Variants in ROBO2 observed in about 807,000 individuals in gnomAD.
ROBO2 encodes roundabout homolog 2.
ROBO2 carries 53 observed loss-of-function variants against 160.8 expected under a neutral mutation model. That is an observed-to-expected ratio of 0.33 (90% CI 0.26 to 0.41). The LOEUF (loss-of-function observed/expected upper bound fraction) is 0.41. Among genes scored for constraint, ROBO2 ranks in the 10% least tolerant of loss-of-function variants. The probability of loss-of-function intolerance (pLI) is 1.00; values close to 1 mark genes in which losing one functional copy is unlikely to be tolerated. For missense variants in ROBO2, 1,577 were observed against 1,722.4 expected (o/e 0.92, Z 1.49); for synonymous variants, 664 against 611.7 (o/e 1.09, Z -1.26).
At chr3:76,438,528 T>A (rs996750022) in intron 2 of ROBO2, among the ~76,000 whole-genome samples, 4 of 151,948 alleles carry the variant, frequency 2.6e-5, no homozygotes, top group Non-Finnish European at 4.4e-5. Flanking sequence ...CTACCTAATA[T>A]TGTAAAGCCA....
chr3:76,951,020 A>G (rs1018203240), intron 2 of ROBO2, among the ~76,000 whole-genome samples: 4 of 152,174 alleles, frequency 2.6e-5, no homozygotes, highest in African/African-American at 9.7e-5. Flanking sequence ...GAGCCCCTGC[A>G]CCTGGCCCTC....
intron 2 of ROBO2, among the ~76,000 whole-genome samples, chr3:76,286,156 T>G (rs1026473791): frequency 2.0e-5 from 3 of 152,202 alleles, no homozygotes; most frequent in African/African-American, 7.2e-5. Flanking sequence ...CCACTTCCCA[T>G]TCAGAGTGTG....
At chr3:77,529,429 T>C (rs2091457912) in intron 6 of ROBO2, among the ~76,000 whole-genome samples, 1 of 151,732 alleles carries the variant, frequency 6.6e-6, no homozygotes, top group Non-Finnish European at 1.5e-5. Flanking sequence ...CAGTTGTACT[T>C]ATAAGCTAAT....
chr3:77,340,361 T>A (rs562646177), intron 2 of ROBO2, among the ~76,000 whole-genome samples: 2 of 152,092 alleles, frequency 1.3e-5, no homozygotes, highest in Non-Finnish European at 2.9e-5. Context: ...CTTTCATGTC[T>A]CCTAACATGG....
intron 2 of ROBO2, among the ~76,000 whole-genome samples, chr3:76,564,291 C>G (rs1411433907): frequency 1.3e-5 from 2 of 152,052 alleles, no homozygotes; most frequent in Admixed American, 6.5e-5. Context: ...CTTAGAAAAA[C>G]TGGTGTTTAG....
At chr3:77,041,722 A>C (rs895599071) in intron 1 of ROBO2, among the ~76,000 whole-genome samples, 9 of 152,232 alleles carry the variant, frequency 5.9e-5, no homozygotes, top group Non-Finnish European at 1.3e-4. Context: ...GAAAAAAGTT[A>C]AAAGAATATT....
intron 6 of ROBO2, among the ~76,000 whole-genome samples, chr3:77,535,210 CTTT>C (rs59166969): frequency 7.0e-6 from 1 of 143,502 alleles, no homozygotes; most frequent in Non-Finnish European, 1.5e-5. Context: ...TTTTCTTTTT[CTTT>C]TTTTTTTTTT....
intron 2 of ROBO2, among the ~76,000 whole-genome samples, chr3:77,456,442 T>C (rs1293921877): frequency 2.0e-5 from 3 of 152,234 alleles, no homozygotes; most frequent in Non-Finnish European, 4.4e-5. Context: ...CACTTAATGA[T>C]GTTTTAATAA....
chr3:76,869,625 A>G (rs1259315392), intron 2 of ROBO2, among the ~76,000 whole-genome samples: 1 of 152,098 alleles, frequency 6.6e-6, no homozygotes, highest in African/African-American at 2.4e-5. Context: ...CTGGGATTAC[A>G]GGCGTGAGCC....
intron 19 of ROBO2, among the ~76,000 whole-genome samples, chr3:77,600,751 G>T (rs993554129): frequency 6.6e-6 from 1 of 152,080 alleles, no homozygotes; most frequent in East Asian, 1.9e-4. Flanking sequence ...AAAAGTTTTT[G>T]AGAAATAAAA....
intron 24 of ROBO2, among the ~76,000 whole-genome samples, chr3:77,637,183 A>G (rs895209045): frequency 6.6e-6 from 1 of 152,234 alleles, no homozygotes; most frequent in Non-Finnish European, 1.5e-5. Context: ...TTAAAGCTCC[A>G]CAAGTGAATC....
chr3:76,521,478 G>T (rs1399787180), intron 2 of ROBO2, among the ~76,000 whole-genome samples: 1 of 152,158 alleles, frequency 6.6e-6, no homozygotes, highest in African/African-American at 2.4e-5. Context: ...AGGTAGGGCA[G>T]GAATAGGGGA....
intron 2 of ROBO2, among the ~76,000 whole-genome samples, chr3:77,275,675 G>T (rs2059779282): frequency 6.6e-6 from 1 of 151,960 alleles, no homozygotes; most frequent in Non-Finnish European, 1.5e-5. Flanking sequence ...TCTCCTCATA[G>T]TTGCAGTATC....
chr3:76,128,178 GCCACCGCACC>G (rs1219467515), intron 2 of ROBO2, among the ~76,000 whole-genome samples: 3 of 152,046 alleles, frequency 2.0e-5, no homozygotes, highest in African/African-American at 7.2e-5. Flanking sequence ...ACAAGCATGA[GCCACCGCACC>G]CCACCTGAAG....
intron 2 of ROBO2, among the ~76,000 whole-genome samples, chr3:77,334,355 C>T (rs1377630005): frequency 6.6e-6 from 1 of 152,188 alleles, no homozygotes; most frequent in Non-Finnish European, 1.5e-5. Context: ...TGTACCTGTC[C>T]TGGATTGCCT....
intron 2 of ROBO2, among the ~76,000 whole-genome samples, chr3:77,376,837 C>T (rs539752352): frequency 3.2e-4 from 49 of 152,268 alleles, no homozygotes; most frequent in African/African-American, 1.2e-3. Flanking sequence ...ATCCAATGAC[C>T]ACCCACTTGC....
intron 2 of ROBO2, among the ~76,000 whole-genome samples, chr3:76,925,166 C>G (rs1435712001): frequency 6.8e-6 from 1 of 147,432 alleles, no homozygotes; most frequent in Non-Finnish European, 1.5e-5. Context: ...AGCCGAGATC[C>G]CGCCACTGCA....
intron 16 of ROBO2, among the ~76,000 whole-genome samples, chr3:77,580,615 A>G (rs1352347682): frequency 6.6e-6 from 1 of 152,092 alleles, no homozygotes; most frequent in African/African-American, 2.4e-5. Context: ...CTTATCATAG[A>G]TTATGTTTGT....
At chr3:76,813,022 T>G (rs2065339403) in intron 2 of ROBO2, among the ~76,000 whole-genome samples, 1 of 151,336 alleles carries the variant, frequency 6.6e-6, no homozygotes. Context: ...ATCTTATTGT[T>G]TGTACTGGCA....
Sources: allele counts gnomAD v4.1 joint callset (sites outside exome capture counted in the v4.1 genomes callset), GRCh38; gene constraint gnomAD v4.1.1; transcripts MANE v1.5; gene names NCBI Gene and HGNC (gene_info 2026-07-23, HGNC 2026-07-21).